Variants in AJAP1 observed in about 807,000 individuals in gnomAD.
The protein encoded by AJAP1 is adherens junction-associated protein 1.
Under a neutral mutation model 35.0 loss-of-function variants are expected in AJAP1, and 5 were observed. The ratio of observed to expected loss-of-function variants is 0.14; its 90% CI spans 0.07 to 0.30. AJAP1 has a LOEUF of 0.30. Ranked by LOEUF, AJAP1 falls within the 10% of genes least tolerant of loss-of-function variation. The pLI is 1.00. For missense variants in AJAP1, 586 were observed against 571.0 expected (o/e 1.03, Z -0.27); for synonymous variants, 284 against 249.3 (o/e 1.14, Z -1.31).
Position 4,655,393 on chromosome 1 carries a change from C to G in AJAP1, c.-33C>G, listed in dbSNP as rs772469710. Reference sequence around the variant, plus strand: ...CGCCGCGCAGATGGCCTGGGCGAGCCAGGTCTGAGGCCCCGCTCCCCGAAA... The same window carrying G: ...CGCCGCGCAGATGGCCTGGGCGAGCGAGGTCTGAGGCCCCGCTCCCCGAAA... On this transcript the variant is annotated 5_prime_UTR_variant, in exon 1 of 6. Transcript: ENST00000378191. The surrounding 1 kb of genome is among the most constrained non-coding windows in gnomAD (Gnocchi z 6.9). 5 of 1,545,684 alleles carry G rather than the reference C, an allele frequency of 3.2e-6. No individual in the cohort carries two copies. In the South Asian group the frequency reaches 3.5e-5, roughly 11 times the overall value.
At chr1:4,694,954 C>T (rs1300267886) in intron 1 of AJAP1, among the ~76,000 whole-genome samples, 4 of 152,026 alleles carry the variant, frequency 2.6e-5, no homozygotes, top group African/African-American at 7.2e-5. Context: ...GGAGGAGGGT[C>T]GGAGAAGGCC....
intron 1 of AJAP1, among the ~76,000 whole-genome samples, chr1:4,708,497 G>T (rs1640151901): frequency 6.6e-6 from 1 of 152,218 alleles, no homozygotes; most frequent in Admixed American, 6.5e-5. Flanking sequence ...ATCATGAAAT[G>T]AGAGGTGCTC....
rs754138076 is a variant in AJAP1 at position 4,668,331 on chromosome 1, TGTGTGC to T, written c.29+12889_29+12894del. ...AGCTTAGAGAGCAGTGCTGTGTGTG[TGTGTGC>T]GTGTGCGTGTGTGTGTGTGTGTGTC... is the stretch of plus-strand genomic sequence containing the variant. On this transcript the variant is annotated intron_variant, in intron 1 of 5. Coordinates refer to ENST00000378191, the MANE Select transcript of AJAP1 (RefSeq NM_018836.4). 8.8e-3 allele frequency among the ~76,000 whole-genome samples: 1,329 copies of T among 151,838 alleles called. 19 individuals are homozygous for T. Among genetic ancestry groups the T allele is most frequent in the South Asian group, 0.038 (184 of 4,798 alleles).
rs1638885100 is a variant in AJAP1, at chr1:4,656,488, T to C, written c.29+1034T>C. On this transcript the variant is annotated intron_variant, in intron 1 of 5. Coordinates refer to ENST00000378191, the MANE Select transcript of AJAP1 (RefSeq NM_018836.4). This position sits in a 1 kb window ranked among gnomAD's most constrained non-coding sequence, Gnocchi z 5.7. ...ACTGGGATGCACTGCGCTCCCGCGT[T>C]GGGGACGAAAAGGCCAGTAGTTGTT... Among the ~76,000 whole-genome samples the C allele has an allele frequency of 6.6e-6, 1 of 152,146 alleles. No homozygotes were observed. Among genetic ancestry groups the C allele is most frequent in the Admixed American group, 6.5e-5 (1 of 15,278 alleles).
rs145035395 is a variant in AJAP1, at chr1:4,710,490, C to T, written c.30-1410C>T. 5.2e-4 allele frequency among the ~76,000 whole-genome samples: 79 copies of T among 152,328 alleles called. 2 individuals are homozygous for T. The highest frequency in any genetic ancestry group is 1.8e-3 in the African/African-American group (76 of 41,576). On this transcript the variant is annotated intron_variant, in intron 1 of 5. Coordinates refer to ENST00000378191, the MANE Select transcript of AJAP1 (RefSeq NM_018836.4). Reference sequence around the variant, plus strand: ...ACTCACATACGTGTGCTTGCCTACACGCACACACTCACACACTTGCGTGCA... The same window carrying T: ...ACTCACATACGTGTGCTTGCCTACATGCACACACTCACACACTTGCGTGCA...
intron 2 of AJAP1, among the ~76,000 whole-genome samples, chr1:4,724,256 A>T (rs773975336): frequency 1.1e-4 from 17 of 151,988 alleles, no homozygotes; most frequent in Non-Finnish European, 2.2e-4. Flanking sequence ...GCTCAAGGAG[A>T]GGGGGCACTT....
intron 1 of AJAP1, among the ~76,000 whole-genome samples, chr1:4,701,264 C>T (rs1639981988): frequency 6.6e-6 from 1 of 152,226 alleles, no homozygotes; most frequent in Non-Finnish European, 1.5e-5. Context: ...TATGCACCGT[C>T]TAGTCTCCCG....
At chr1:4,689,989 C>T (rs1432815580) in intron 1 of AJAP1, among the ~76,000 whole-genome samples, 1 of 152,056 alleles carries the variant, frequency 6.6e-6, no homozygotes, top group Non-Finnish European at 1.5e-5. Context: ...TCATCACTGC[C>T]CCCGGTTGAG....
chr1:4,709,902 C>T (rs138376428), intron 1 of AJAP1, among the ~76,000 whole-genome samples: 2 of 152,284 alleles, frequency 1.3e-5, no homozygotes, highest in African/African-American at 4.8e-5. Context: ...GTTTCTCTCT[C>T]ACCATCCTGA....
Position 4,791,118 on chromosome 1 carries a change from T to A in AJAP1, c.*8633T>A, listed in dbSNP as rs1253920077. 1 of 152,162 alleles carries A rather than the reference T, an allele frequency of 6.6e-6. No individual in the cohort carries two copies. Among genetic ancestry groups the A allele is most frequent in the East Asian group, 1.9e-4 (1 of 5,190 alleles). 9.4% of individuals were successfully genotyped at this position (152,162 alleles called of 1,614,324 possible). On this transcript the variant is annotated 3_prime_UTR_variant, in exon 6 of 6. Transcript: ENST00000378191. ...CAGCAAAGCCTCACGTGAACTTTAA[T>A]GACCTTATCAATGACCTTTACTAAC...
intron 1 of AJAP1, among the ~76,000 whole-genome samples, chr1:4,681,295 T>C (rs1228305262): frequency 6.6e-6 from 1 of 152,200 alleles, no homozygotes; most frequent in African/African-American, 2.4e-5. Context: ...TGCCACAGAC[T>C]GCAAGGGAGA....
chr1:4,738,079 T>C (rs1035642243), intron 2 of AJAP1, among the ~76,000 whole-genome samples: 2 of 152,162 alleles, frequency 1.3e-5, no homozygotes, highest in African/African-American at 4.8e-5. Context: ...TGGTACTGAG[T>C]ACAAATTTTA....
chr1:4,660,071 G>A (rs1157782338), intron 1 of AJAP1, among the ~76,000 whole-genome samples: 1 of 152,222 alleles, frequency 6.6e-6, no homozygotes, highest in Non-Finnish European at 1.5e-5. Context: ...CGGCAGACAC[G>A]GAGCTGTCAC....
intron 1 of AJAP1, among the ~76,000 whole-genome samples, chr1:4,666,216 C>T (rs933423242): frequency 6.6e-6 from 1 of 151,294 alleles, no homozygotes; most frequent in South Asian, 2.1e-4. Flanking sequence ...GGAGGGGCAC[C>T]CCGCAGTGAA....
chr1:4,666,736 G>A (rs1253584578), intron 1 of AJAP1, among the ~76,000 whole-genome samples: 1 of 148,638 alleles, frequency 6.7e-6, no homozygotes, highest in Non-Finnish European at 1.5e-5. Context: ...AATCACGGGA[G>A]GGGTGCGGAG....
chr1:4,752,489 A>G (rs1003475023), intron 2 of AJAP1, among the ~76,000 whole-genome samples: 3 of 152,206 alleles, frequency 2.0e-5, no homozygotes, highest in Admixed American at 1.3e-4. Context: ...CTTACGAGCT[A>G]TGGGGACCGA....
chr1:4,718,111 G>T (rs575721216), intron 2 of AJAP1, among the ~76,000 whole-genome samples: 2 of 152,028 alleles, frequency 1.3e-5, no homozygotes, highest in African/African-American at 4.8e-5. Context: ...TGGATGCAGC[G>T]TGGCAAATCC....
intron 2 of AJAP1, among the ~76,000 whole-genome samples, chr1:4,754,285 T>C (rs926243401): frequency 1.3e-5 from 2 of 152,246 alleles, no homozygotes; most frequent in Admixed American, 6.5e-5. Context: ...TGTCTGTGGC[T>C]ACACAGGCAG....
chr1:4,756,037 G>A (rs1015068685), intron 2 of AJAP1, among the ~76,000 whole-genome samples: 3 of 152,070 alleles, frequency 2.0e-5, no homozygotes, highest in African/African-American at 7.2e-5. Context: ...GCTAAGCATA[G>A]ACTTATGCTT....
Sources: gnomAD v4.1 joint callset for allele counts (sites outside exome capture counted in the v4.1 genomes callset) on GRCh38, gnomAD v4.1.1 for gene constraint, Gnocchi (gnomAD v3.1) non-coding constraint, MANE v1.5 for transcripts, NCBI Gene and HGNC (gene_info 2026-07-23, HGNC 2026-07-21) for gene names.